PRKCI: variants seen among roughly 807,000 people sequenced by gnomAD.
The protein encoded by PRKCI is protein kinase C iota.
PRKCI carries 43 observed loss-of-function variants against 84.0 expected under a neutral mutation model. That is an observed-to-expected ratio of 0.51 (90% CI 0.40 to 0.66). The LOEUF (loss-of-function observed/expected upper bound fraction) is 0.66, where lower values mean the gene tolerates loss of function less well. PRKCI is among the 30% of genes least tolerant of loss of function. The pLI is 0.00. For missense variants in PRKCI, 459 were observed against 745.6 expected (o/e 0.62, Z 4.48); for synonymous variants, 216 against 234.4 (o/e 0.92, Z 0.72).
chr3:170,230,705 A>G (rs1398134261), intron 1 of PRKCI, among the ~76,000 whole-genome samples: 1 of 152,146 alleles, frequency 6.6e-6, no homozygotes, highest in African/African-American at 2.4e-5. Flanking sequence ...TAGGGTACTG[A>G]CACAACTTTT....
chr3:170,270,350 G>A, intron 5 of PRKCI, 71 bp from the exon 6 acceptor site: 1 of 1,419,274 alleles, frequency 7.0e-7, no homozygotes, highest in East Asian at 2.4e-5. Flanking sequence ...AGGGAATTGA[G>A]TCAGCAAACT....
Position 170,293,471 on chromosome 3 carries a change from T to A in PRKCI, c.1380T>A (p.Asp460Glu). The change falls in exon 14 of 18, where the codon GAT (aspartate) becomes GAA (glutamate). Residue 460 changes from aspartate (D) to glutamate (E), a missense_variant. Coordinates refer to ENST00000295797, the MANE Select transcript of PRKCI (RefSeq NM_002740.6). ...CATTTGATATTGTTGGGAGCTCCGA[T>A]AACCCTGACCAGAACACAGAGGATT... ...RSPFDIVGSS[D>E]NPDQNTEDYL... is the part of the protein sequence containing the mutation. The A allele has an allele frequency of 2.5e-6, 4 of 1,613,952 alleles. No homozygotes were observed. The highest frequency in any genetic ancestry group is 3.4e-6 in the Non-Finnish European group (4 of 1,179,844).
intron 3 of PRKCI, among the ~76,000 whole-genome samples, chr3:170,262,688 G>C (rs1000724621): frequency 6.6e-6 from 1 of 152,006 alleles, no homozygotes; most frequent in African/African-American, 2.4e-5. Context: ...TTACCATGTT[G>C]GCCAGGCTGG....
intron 10 of PRKCI, 154 bp from the exon 11 acceptor site, chr3:170,281,728 G>A (rs1187161704): frequency 9.5e-6 from 9 of 951,880 alleles, no homozygotes; most frequent in African/African-American, 6.7e-5. Context: ...CGTATGTTCC[G>A]TACCCTAGAT....
At chr3:170,291,479 T>G (rs1734549678) in intron 12 of PRKCI, among the ~76,000 whole-genome samples, 1 of 152,024 alleles carries the variant, frequency 6.6e-6, no homozygotes, top group East Asian at 1.9e-4. Flanking sequence ...GGTGGATCAC[T>G]TGAGGCCAGG....
In PRKCI at chr3:170,279,788, C is replaced by A. The variant is rs529141816; in HGVS notation, c.706-439C>A. On this transcript the variant is annotated intron_variant, in intron 8 of 17. Coordinates refer to ENST00000295797, the MANE Select transcript of PRKCI (RefSeq NM_002740.6). ...TCATCTTGATGTCTCATTATAACTTCTGAATTTATCATGAAAAACCCAATC... is the reference window on the plus strand; with the variant it reads ...TCATCTTGATGTCTCATTATAACTTATGAATTTATCATGAAAAACCCAATC... Among the ~76,000 whole-genome samples, 223 of 152,270 alleles carry A rather than the reference C, an allele frequency of 1.5e-3. 2 individuals are homozygous for A. Among genetic ancestry groups the A allele is most frequent in the African/African-American group, 4.6e-3 (191 of 41,554 alleles).
At chr3:170,237,485 A>G (rs1712928147) in intron 2 of PRKCI, among the ~76,000 whole-genome samples, 1 of 152,164 alleles carries the variant, frequency 6.6e-6, no homozygotes, top group Non-Finnish European at 1.5e-5. Context: ...CCACTAAAAG[A>G]ACTTACTCAT....
chr3:170,241,238 A>G (rs1733123411), intron 2 of PRKCI, among the ~76,000 whole-genome samples: 1 of 152,182 alleles, frequency 6.6e-6, no homozygotes, highest in Non-Finnish European at 1.5e-5. Flanking sequence ...TACACAATAC[A>G]TTATTATGAA....
intron 2 of PRKCI, among the ~76,000 whole-genome samples, chr3:170,253,313 G>A (rs942056631): frequency 2.2e-4 from 34 of 152,288 alleles, no homozygotes; most frequent in African/African-American, 7.9e-4. Context: ...CCAACAGCAT[G>A]TGAGGGTTCC....
At chr3:170,250,274 A>T (rs547164139) in intron 2 of PRKCI, among the ~76,000 whole-genome samples, 1 of 148,594 alleles carries the variant, frequency 6.7e-6, no homozygotes, top group South Asian at 2.1e-4. Context: ...CTTGGTCTGA[A>T]AAAAAAAAAA....
intron 2 of PRKCI, among the ~76,000 whole-genome samples, chr3:170,248,914 C>A (rs1292877189): frequency 1.3e-5 from 2 of 150,140 alleles, no homozygotes; most frequent in African/African-American, 4.9e-5. Flanking sequence ...GTGGCATGAT[C>A]TCAGTTCACT....
rs926163562 is a variant in PRKCI, at chr3:170,257,660, G to T, written c.224-2309G>T. ...GGAGTGTCAATCTGAATGGGAAAGA[G>T]AATTTTTTTTTTTTTTTTTTTGAGA... On this transcript the variant is annotated intron_variant, in intron 2 of 17. Coordinates refer to ENST00000295797, the MANE Select transcript of PRKCI (RefSeq NM_002740.6). 1.5e-4 allele frequency among the ~76,000 whole-genome samples: 17 copies of T among 115,948 alleles called. No homozygotes were observed. In the East Asian group the frequency reaches 2.7e-3, roughly 19 times the overall value. 76.1% of individuals were successfully genotyped at this position (115,948 alleles called of 152,430 possible). A position where few individuals can be genotyped will look rare whatever the true frequency, so the allele number is the denominator to read the frequency against.
chr3:170,257,810 A>C (rs1312992762), intron 2 of PRKCI, among the ~76,000 whole-genome samples: 1 of 151,966 alleles, frequency 6.6e-6, no homozygotes, highest in Non-Finnish European at 1.5e-5. Flanking sequence ...GACAACAGGC[A>C]CGTGCCACCA....
chr3:170,250,522 C>T (rs1222612937), intron 2 of PRKCI, among the ~76,000 whole-genome samples: 1 of 143,256 alleles, frequency 7.0e-6, no homozygotes, highest in African/African-American at 2.6e-5. Context: ...CAGACCTAGA[C>T]AACCACTAAT....
intron 6 of PRKCI, 51 bp downstream of exon 6, chr3:170,270,612 AAC>A: frequency 6.5e-7 from 1 of 1,539,710 alleles, no homozygotes; most frequent in Non-Finnish European, 8.7e-7. Flanking sequence ...CGTGCTTGAT[AAC>A]ACTGCTATAA....
chr3:170,287,324 A>AT (rs1734418942), intron 12 of PRKCI, among the ~76,000 whole-genome samples: 2 of 149,922 alleles, frequency 1.3e-5, no homozygotes, highest in African/African-American at 5.0e-5. Context: ...TCCTATCTAA[A>AT]ATATATATAT....
chr3:170,302,922 T>G (rs1734856631), intron 17 of PRKCI, 118 bp from the exon 18 acceptor site: 4 of 635,708 alleles, frequency 6.3e-6, no homozygotes, highest in Non-Finnish European at 9.7e-6. Context: ...ATCTAAAAAT[T>G]TATAGATTTC....
chr3:170,248,249 CAT>C (rs1733341526), intron 2 of PRKCI, among the ~76,000 whole-genome samples: 1 of 152,100 alleles, frequency 6.6e-6, no homozygotes, highest in Non-Finnish European at 1.5e-5. Context: ...CAGGTTATCT[CAT>C]ATAAATAATT....
intron 5 of PRKCI, among the ~76,000 whole-genome samples, chr3:170,268,282 C>G (rs1209254772): frequency 6.7e-6 from 1 of 150,364 alleles, no homozygotes; most frequent in Admixed American, 6.6e-5. Flanking sequence ...GGAGTTCATA[C>G]CAGCCTGGCC....
Sources: gnomAD v4.1 joint callset for allele counts (sites outside exome capture counted in the v4.1 genomes callset) on GRCh38, gnomAD v4.1.1 for gene constraint, MANE v1.5 for transcripts, NCBI Gene and HGNC (gene_info 2026-07-23, HGNC 2026-07-21) for gene names.